Variants in ADGRG2 observed in about 807,000 individuals in gnomAD.
ADGRG2 encodes G protein-coupled receptor 64.
In ADGRG2, 26 loss-of-function variants were observed where a neutral mutation model predicts 74.1. The ratio of observed to expected loss-of-function variants is 0.35; its 90% confidence interval spans 0.26 to 0.49. ADGRG2 has a LOEUF of 0.49. Among genes scored for constraint, ADGRG2 ranks in the 20% least tolerant of loss-of-function variants. The pLI, the probability that ADGRG2 is intolerant of heterozygous loss-of-function variation, is 0.99. For missense variants in ADGRG2, 619 were observed against 763.1 expected (o/e 0.81, Z 2.22); for synonymous variants, 296 against 295.2 (o/e 1.00, Z -0.03).
At chrX:19,060,902 G>A (rs1242581862) in intron 3 of ADGRG2, among the ~76,000 whole-genome samples, 1 of 111,427 alleles carries the variant, frequency 9.0e-6, no homozygotes, top group Non-Finnish European at 1.9e-5. Flanking sequence ...CCAAATGTGA[G>A]AACCTGGCAT....
intron 8 of ADGRG2, 86 bp from the exon 9 acceptor site, chrX:19,031,123 G>C (rs1490643282): frequency 1.6e-6 from 1 of 637,157 alleles, no homozygotes. Flanking sequence ...ATAAACGTAG[G>C]CATCAAATGT....
At chrX:19,090,186 C>T (rs2061996075) in intron 1 of ADGRG2, among the ~76,000 whole-genome samples, 1 of 111,951 alleles carries the variant, frequency 8.9e-6, no homozygotes, top group Non-Finnish European at 1.9e-5. Context: ...TTCTGCAGAC[C>T]TTGCATGGTC....
intron 2 of ADGRG2, among the ~76,000 whole-genome samples, chrX:19,071,495 T>C (rs914998001): frequency 8.9e-6 from 1 of 111,985 alleles, no homozygotes. Context: ...CTCAGAAATA[T>C]AATGTTTGCC....
At chrX:19,042,802 C>G in intron 3 of ADGRG2, among the ~76,000 whole-genome samples, 1 of 111,060 alleles carries the variant, frequency 9.0e-6, no homozygotes, top group East Asian at 2.8e-4. Context: ...ACCAGCCTGG[C>G]CAACATGGCG....
intron 1 of ADGRG2, among the ~76,000 whole-genome samples, chrX:19,084,348 T>C (rs778992119): frequency 9.0e-6 from 1 of 110,542 alleles, no homozygotes; most frequent in East Asian, 2.9e-4. Flanking sequence ...TCAGGAAGAA[T>C]AGCTAATGCA....
At chrX:18,992,155 G>A (rs186284618) in intron 28 of ADGRG2, among the ~76,000 whole-genome samples, 67 of 112,236 alleles carry the variant, frequency 6.0e-4, no homozygotes, top group African/African-American at 2.0e-3. Flanking sequence ...TATGGTTAAC[G>A]TAGCTCCATC....
chrX:19,074,702 T>C (rs1055489973), intron 2 of ADGRG2, among the ~76,000 whole-genome samples: 4 of 106,063 alleles, frequency 3.8e-5, no homozygotes, highest in Admixed American at 1.0e-4. Flanking sequence ...CCTGAGTAGC[T>C]AGGATTACAG....
intron 1 of ADGRG2, among the ~76,000 whole-genome samples, chrX:19,108,466 T>C (rs1370601846): frequency 8.9e-6 from 1 of 112,006 alleles, no homozygotes; most frequent in African/African-American, 3.2e-5. Flanking sequence ...CACTACAAGA[T>C]AGGCAAGAGA....
intron 7 of ADGRG2, chrX:19,034,650 T>C (rs768905171): frequency 8.9e-6 from 1 of 112,378 alleles, no homozygotes; most frequent in Non-Finnish European, 1.9e-5. Flanking sequence ...AAGAATCTTT[T>C]AGGTCCGGGT....
intron 3 of ADGRG2, among the ~76,000 whole-genome samples, chrX:19,055,240 TTGTGTG>T (rs35438679): frequency 2.3e-4 from 24 of 103,654 alleles, no homozygotes; most frequent in East Asian, 9.2e-4. Flanking sequence ...GCAAATCCCT[TTGTGTG>T]TGTGTGTGTG....
chrX:19,049,438 G>GTTTTTTTTTTTTTTTTT (rs752686975), intron 3 of ADGRG2, among the ~76,000 whole-genome samples: 22 of 82,147 alleles, frequency 2.7e-4, no homozygotes, highest in African/African-American at 7.4e-4. Context: ...CGTTTTTTGT[G>GTTTTTTTTTTTTTTTTT]TTTTTTTTTT....
At chrX:19,097,794 C>T (rs1407182795) in intron 1 of ADGRG2, among the ~76,000 whole-genome samples, 2 of 112,191 alleles carry the variant, frequency 1.8e-5, no homozygotes, top group Admixed American at 1.9e-4. Flanking sequence ...TAAGTAAATA[C>T]CATGTGCTAG....
intron 26 of ADGRG2, among the ~76,000 whole-genome samples, chrX:18,998,192 T>C (rs1396568317): frequency 1.8e-5 from 2 of 111,952 alleles, no homozygotes; most frequent in Admixed American, 1.9e-4. Flanking sequence ...CTGCTGCCAC[T>C]TGGGTCTGTC....
chrX:19,059,386 G>A (rs2061450246), intron 3 of ADGRG2, among the ~76,000 whole-genome samples: 1 of 111,455 alleles, frequency 9.0e-6, no homozygotes, highest in African/African-American at 3.3e-5. Flanking sequence ...TTCTTTCTGG[G>A]TAACCTAGAA....
intron 2 of ADGRG2, among the ~76,000 whole-genome samples, chrX:19,076,600 C>T (rs1455170320): frequency 1.8e-5 from 2 of 111,592 alleles, no homozygotes; most frequent in Non-Finnish European, 3.8e-5. Context: ...GAAACCCCAT[C>T]TTTACTAAAA....
At chrX:19,007,635 T>C (rs2060265232) in intron 19 of ADGRG2, among the ~76,000 whole-genome samples, 1 of 111,963 alleles carries the variant, frequency 8.9e-6, no homozygotes, top group South Asian at 3.7e-4. Flanking sequence ...TTAAGCCGTG[T>C]GTCCCCAAGC....
intron 1 of ADGRG2, among the ~76,000 whole-genome samples, chrX:19,105,197 T>A (rs985548911): frequency 8.9e-6 from 1 of 112,115 alleles, no homozygotes; most frequent in African/African-American, 3.2e-5. Context: ...GCTCAAGCAA[T>A]CCTTCTGCCT....
intron 2 of ADGRG2, among the ~76,000 whole-genome samples, chrX:19,069,204 A>T (rs766169882): frequency 1.1e-4 from 12 of 111,235 alleles, no homozygotes; most frequent in South Asian, 3.8e-4. Context: ...CCTTAAAAAA[A>T]TTTTTTTTTA....
chrX:18,998,272 GCA>G (rs1280696144), intron 26 of ADGRG2, among the ~76,000 whole-genome samples: 1 of 111,462 alleles, frequency 9.0e-6, no homozygotes, highest in Non-Finnish European at 1.9e-5. Context: ...GCTCCCACAG[GCA>G]CAGTCATGGT....
Sources: allele counts gnomAD v4.1 joint callset (sites outside exome capture counted in the v4.1 genomes callset), GRCh38; gene constraint gnomAD v4.1.1; transcripts MANE v1.5; gene names NCBI Gene and HGNC (gene_info 2026-07-23, HGNC 2026-07-21).